SYCE2: variants seen among roughly 807,000 people sequenced by gnomAD.
SYCE2 encodes central element synaptonemal complex 1.
SYCE2 carries 3 observed loss-of-function variants against 27.9 expected under a neutral mutation model. That is an observed-to-expected ratio of 0.11 (90% CI 0.05 to 0.28). The LOEUF (loss-of-function observed/expected upper bound fraction) is 0.28. Among genes scored for constraint, SYCE2 ranks in the 10% least tolerant of loss-of-function variants. The pLI is 1.00. For missense variants in SYCE2, 207 were observed against 263.5 expected, an observed-to-expected ratio of 0.79 and a Z score of 1.48; for synonymous variants, 85 against 100.7, an observed-to-expected ratio of 0.84 and a Z score of 0.93.
intron 2 of SYCE2, among the ~76,000 whole-genome samples, chr19:12,907,693 A>G (rs1159594547): frequency 6.6e-6 from 1 of 152,196 alleles, no homozygotes; most frequent in Non-Finnish European, 1.5e-5. Flanking sequence ...AGGCGGACTG[A>G]GGCAGGAGGA....
intron 2 of SYCE2, among the ~76,000 whole-genome samples, chr19:12,911,050 A>C (rs889418301): frequency 6.6e-6 from 1 of 151,586 alleles, no homozygotes; most frequent in African/African-American, 2.4e-5. Flanking sequence ...AATTACTGCA[A>C]CTTTGAACTC....
intron 2 of SYCE2, among the ~76,000 whole-genome samples, chr19:12,916,748 A>G (rs1370543088): frequency 2.0e-5 from 3 of 151,794 alleles, no homozygotes; most frequent in Admixed American, 2.0e-4. Flanking sequence ...GGTGTGTGCA[A>G]CCGCACCACA....
In SYCE2 at chr19:12,904,506, T is replaced by G. The variant is rs761819846; in HGVS notation, c.292A>C (p.Ser98Arg). 51 of 1,614,144 alleles carry G rather than the reference T, an allele frequency of 3.2e-5. No homozygotes were observed. In the South Asian group the frequency reaches 5.4e-4, roughly 17 times the overall value. Residue 98 changes from serine (S) to arginine (R), a missense_variant, in exon 3 of 6, where the codon AGC becomes CGC. Coordinates refer to ENST00000293695, the MANE Select transcript of SYCE2 (RefSeq NM_001105578.2). ...DHALMTNFRN[S>R]LKTKVSDLTE... The stretch of plus-strand genomic sequence containing the variant: ...GAGTCTGTCACCTTGGTCTTCAGGC[T>G]GTTCCTGAAGTTGGTCATGAGTGCA...
At chr19:12,916,934 G>C (rs1971148590) in intron 2 of SYCE2, among the ~76,000 whole-genome samples, 1 of 152,008 alleles carries the variant, frequency 6.6e-6, no homozygotes, top group African/African-American at 2.4e-5. Context: ...GTTTTTAGTA[G>C]AGACGGAGTT....
In SYCE2 at chr19:12,904,946, G is replaced by A. The variant is rs559504255; in HGVS notation, c.132-280C>T. ...CTTGAACCCAGGGGATGAAGTTGCA[G>A]TGAGCCGAGATCACGCCACTGTACT... is the stretch of plus-strand genomic sequence containing the variant. On this transcript the variant is annotated intron_variant, in intron 2 of 5. Coordinates refer to ENST00000293695, the MANE Select transcript of SYCE2 (RefSeq NM_001105578.2). Among the ~76,000 whole-genome samples, 6 of 151,886 alleles carry A rather than the reference G, an allele frequency of 4.0e-5. No individual in the cohort carries two copies. The South Asian group carries it at 1.3e-3, about 32-fold the overall frequency.
chr19:12,916,633 G>A (rs567204210), intron 2 of SYCE2, among the ~76,000 whole-genome samples: 24 of 152,046 alleles, frequency 1.6e-4, no homozygotes, highest in African/African-American at 5.8e-4. Context: ...TTGAGACAGG[G>A]TCTTGCTCTT....
At chr19:12,899,503 G>A in intron 5 of SYCE2, 118 bp from the exon 6 acceptor site, 1 of 1,614,194 alleles carries the variant, frequency 6.2e-7, no homozygotes, top group Non-Finnish European at 8.5e-7. Context: ...CCTTGGGAGA[G>A]CTATCACGGG....
Position 12,899,053 on chromosome 19 carries a change from C to T in SYCE2, c.*288G>A. ...CCTTGGAGCTCAGGGGTGCTTTCAG[C>T]CTCTGTGGCAAGGAAGCGTGGCCAG... On this transcript the variant is annotated 3_prime_UTR_variant, in exon 6 of 6. Coordinates refer to ENST00000293695, the MANE Select transcript of SYCE2 (RefSeq NM_001105578.2). The T allele has an allele frequency of 2.1e-6, 1 of 473,232 alleles. No individual in the cohort carries two copies. Among genetic ancestry groups the T allele is most frequent in the Non-Finnish European group, 3.9e-6 (1 of 258,378 alleles). 29.3% of individuals were successfully genotyped at this position (473,232 alleles called of 1,614,324 possible). A position where few individuals can be genotyped will look rare whatever the true frequency, so the allele number is the denominator to read the frequency against.
At chr19:12,903,236 C>T (rs549599990) in intron 3 of SYCE2, among the ~76,000 whole-genome samples, 3 of 151,594 alleles carry the variant, frequency 2.0e-5, no homozygotes, top group South Asian at 2.1e-4. Flanking sequence ...GGACTACAGG[C>T]GCCCGCCACC....
At chr19:12,912,734 G>A (rs1294528765) in intron 2 of SYCE2, among the ~76,000 whole-genome samples, 1 of 151,608 alleles carries the variant, frequency 6.6e-6, no homozygotes, top group Non-Finnish European at 1.5e-5. Context: ...TAAGGCTCAA[G>A]GGATGAGGCT....
At chr19:12,899,880 C>A in intron 5 of SYCE2, 124 bp downstream of exon 5, 4 of 1,585,198 alleles carry the variant, frequency 2.5e-6, no homozygotes, top group Non-Finnish European at 3.5e-6. Flanking sequence ...GTTCACAGTG[C>A]GCCCTCCCTC....
rs543183399 is a variant in SYCE2, at chr19:12,903,878, G to A, written c.306+614C>T. On this transcript the variant is annotated intron_variant, in intron 3 of 5. Transcript: ENST00000293695. ...CTTCCAAAGTGCTGGGATTACAGGC[G>A]TGAGCCACTGTGCCTGGTCCCCCCA... Among the ~76,000 whole-genome samples, 21 of 152,322 alleles carry A rather than the reference G, an allele frequency of 1.4e-4. No homozygotes were observed. The South Asian group carries it at 1.9e-3, about 14-fold the overall frequency.
intron 2 of SYCE2, among the ~76,000 whole-genome samples, chr19:12,912,794 C>G (rs1298188096): frequency 6.6e-6 from 1 of 151,572 alleles, no homozygotes; most frequent in Non-Finnish European, 1.5e-5. Context: ...AAAAAAAAAT[C>G]ACTTGAATTC....
At chr19:12,901,656 C>T (rs183743144) in intron 3 of SYCE2, among the ~76,000 whole-genome samples, 2 of 152,156 alleles carry the variant, frequency 1.3e-5, no homozygotes, top group Admixed American at 6.6e-5. Context: ...GCTCTCATTG[C>T]CCAAGCTGGA....
At chr19:12,904,921 C>T (rs1970904829) in intron 2 of SYCE2, among the ~76,000 whole-genome samples, 1 of 151,796 alleles carries the variant, frequency 6.6e-6, no homozygotes. Context: ...AGGAGAATTG[C>T]TTGAACCCAG....
At chr19:12,914,618 A>G (rs1490615754) in intron 2 of SYCE2, among the ~76,000 whole-genome samples, 1 of 151,434 alleles carries the variant, frequency 6.6e-6, no homozygotes, top group African/African-American at 2.4e-5. Flanking sequence ...TTTTTTATTA[A>G]TATTTTTTGA....
intron 2 of SYCE2, among the ~76,000 whole-genome samples, chr19:12,908,557 C>T (rs2145973066): frequency 6.6e-6 from 1 of 152,220 alleles, no homozygotes; most frequent in Non-Finnish European, 1.5e-5. Context: ...ATCTCGTGAC[C>T]TCATGATCTG....
chr19:12,907,811 AAAT>A (rs1970965019), intron 2 of SYCE2, among the ~76,000 whole-genome samples: 1 of 146,790 alleles, frequency 6.8e-6, no homozygotes. Context: ...AATAAAATAA[AAAT>A]AAATCTCAGC....
At chr19:12,901,410 C>T (rs998676646) in intron 3 of SYCE2, among the ~76,000 whole-genome samples, 3 of 148,470 alleles carry the variant, frequency 2.0e-5, no homozygotes, top group Admixed American at 1.3e-4. Flanking sequence ...ATAGGTGACG[C>T]GCACTTGCAG....
Sources: gnomAD v4.1 joint callset for allele counts (sites outside exome capture counted in the v4.1 genomes callset) on GRCh38, gnomAD v4.1.1 for gene constraint, MANE v1.5 for transcripts, NCBI Gene and HGNC (gene_info 2026-07-23, HGNC 2026-07-21) for gene names.